Variants in C1QTNF8 observed in about 807,000 individuals in gnomAD.
C1QTNF8 encodes C1q and TNF related 8, also known as complement C1q tumor necrosis factor-related protein 8.
Under a neutral mutation model 19.2 loss-of-function variants are expected in C1QTNF8, and 27 were observed. The observed-to-expected ratio is 1.41, with a 90% CI of 1.04 to 1.94. The LOEUF (loss-of-function observed/expected upper bound fraction) is 1.94. C1QTNF8 is among the 30% of genes most tolerant of loss of function. C1QTNF8 has a pLI of 0.00. For synonymous variants in C1QTNF8, 208 were observed against 172.8 expected (o/e 1.20, Z -1.60); for missense variants, 484 against 374.4 (o/e 1.29, Z -2.42).
intron 4 of C1QTNF8, among the ~76,000 whole-genome samples, chr16:1,092,619 AC>A (rs1290524590): frequency 8.2e-6 from 1 of 121,800 alleles, no homozygotes; most frequent in Non-Finnish European, 1.7e-5. Flanking sequence ...ATCACTGCAC[AC>A]AGTCGGCGCT....
chr16:1,088,416 G>A lies in C1QTNF8; in HGVS notation c.*2183C>T, dbSNP rs758246923. 9.5e-4 allele frequency among the ~76,000 whole-genome samples: 144 copies of A among 152,300 alleles called. No individual in the cohort carries two copies. Among genetic ancestry groups the A allele is most frequent in the Middle Eastern group, 6.8e-3 (2 of 294 alleles). On this transcript the variant is annotated 3_prime_UTR_variant, in exon 5 of 5. Transcript: ENST00000328449. ...GCACGGGCCGACCACGGGGGTGCCC[G>A]GTGCGGTTCTGATGGGGTGGCTCCC...
In C1QTNF8 at chr16:1,088,943, C is replaced by T. The variant is rs373901362; in HGVS notation, c.*1656G>A. On this transcript the variant is annotated 3_prime_UTR_variant, in exon 5 of 5. Coordinates refer to ENST00000328449, the MANE Select transcript of C1QTNF8 (RefSeq NM_207419.3). ...GGGCTGCTGTGGTCACGTCTGGGTC[C>T]TTGGCTGGGCCTGGTGACGGGCACT... Among the ~76,000 whole-genome samples the T allele has an allele frequency of 9.3e-4, 142 of 152,320 alleles. No individual in the cohort carries two copies. The highest frequency in any genetic ancestry group is 3.4e-3 in the Middle Eastern group (1 of 294).
At chr16:1,092,039 C>T (rs1183819095) in intron 4 of C1QTNF8, among the ~76,000 whole-genome samples, 3 of 152,222 alleles carry the variant, frequency 2.0e-5, no homozygotes, top group East Asian at 1.9e-4. Flanking sequence ...GCCGTGAGGG[C>T]GAGTACCTGG....
intron 3 of C1QTNF8, 98 bp downstream of exon 3, chr16:1,094,617 C>T: frequency 7.3e-6 from 7 of 964,698 alleles, no homozygotes; most frequent in Non-Finnish European, 1.1e-5. Context: ...CTCAGCGTGC[C>T]CCTCCCGCCC....
At chr16:1,092,417 C>T (rs1260656772) in intron 4 of C1QTNF8, among the ~76,000 whole-genome samples, 1 of 148,158 alleles carries the variant, frequency 6.7e-6, no homozygotes, top group African/African-American at 2.5e-5. Flanking sequence ...CAATCAATCA[C>T]TGCACACAGT....
At chr16:1,092,289 G>T (rs1960561501) in intron 4 of C1QTNF8, among the ~76,000 whole-genome samples, 1 of 152,062 alleles carries the variant, frequency 6.6e-6, no homozygotes, top group Non-Finnish European at 1.5e-5. Flanking sequence ...GCACACAGCT[G>T]GCACTCAATC....
Position 1,093,729 on chromosome 16 carries a change from C to A in C1QTNF8, c.531G>T (p.Glu177Asp), listed in dbSNP as rs762444272. Residue 177 changes from glutamate (E) to aspartate (D), a missense_variant, in exon 4 of 5, where the codon GAG becomes GAT. Coordinates refer to ENST00000328449, the MANE Select transcript of C1QTNF8 (RefSeq NM_207419.3). The stretch of plus-strand genomic sequence containing the variant: ...GGTTCAGCATGATGTGCAGGTAGGT[C>A]TCCTTGTAGTTCCAGGTGTGCACGT... ...SLNVHTWNYK[E>D]TYLHIMLNRR... 1 of 1,611,964 alleles carries A rather than the reference C, an allele frequency of 6.2e-7. No individual in the cohort carries two copies. Among genetic ancestry groups the A allele is most frequent in the African/African-American group, 1.3e-5 (1 of 74,908 alleles).
chr16:1,094,323 T>A (rs1960639431), intron 3 of C1QTNF8, among the ~76,000 whole-genome samples: 1 of 151,270 alleles, frequency 6.6e-6, no homozygotes, highest in East Asian at 2.0e-4. Flanking sequence ...CTGCGTTGGG[T>A]GTTAAAGAAT....
In C1QTNF8 at chr16:1,093,456, ACGCGCGCGCGCGCCCGGTGCT is replaced by A. The variant is rs1960605276; in HGVS notation, c.*4+20_*4+40del. 8.7e-7 allele frequency: 1 copy of A among 1,152,482 alleles called. No individual in the cohort carries two copies. The highest frequency in any genetic ancestry group is 2.1e-5 in the African/African-American group (1 of 47,538). 71.4% of individuals were successfully genotyped at this position (1,152,482 alleles called of 1,614,324 possible). On this transcript the variant is annotated intron_variant, in intron 4 of 4. Coordinates refer to ENST00000328449, the MANE Select transcript of C1QTNF8 (RefSeq NM_207419.3). ...CACACACACACAGACACACACACAC[ACGCGCGCGCGCGCCCGGTGCT>A]CAGCCGCGGGGCCCCTCACCCGGCT...
intron 4 of C1QTNF8, among the ~76,000 whole-genome samples, chr16:1,092,867 G>C (rs1960582367): frequency 2.1e-5 from 1 of 47,214 alleles, no homozygotes. Flanking sequence ...ATCAATCCCT[G>C]CACACAGTCG....
At chr16:1,092,062 G>C (rs943907273) in intron 4 of C1QTNF8, among the ~76,000 whole-genome samples, 1 of 152,192 alleles carries the variant, frequency 6.6e-6, no homozygotes, top group Admixed American at 6.5e-5. Flanking sequence ...GAGCAACCGG[G>C]CTCCGACCAC....
chr16:1,094,274 G>A (rs117624854), intron 3 of C1QTNF8, among the ~76,000 whole-genome samples: 2,128 of 152,328 alleles, frequency 0.014, 24 homozygotes, highest in Middle Eastern at 0.031. Context: ...CGTCCCCACC[G>A]AGAGGGTGGG....
At chr16:1,091,504 G>C (rs760468434) in intron 4 of C1QTNF8, among the ~76,000 whole-genome samples, 5 of 152,146 alleles carry the variant, frequency 3.3e-5, no homozygotes, top group African/African-American at 4.8e-5. Flanking sequence ...AGGGGCCACA[G>C]CTGCTCCAGC....
At chr16:1,091,895 G>A (rs565947487) in intron 4 of C1QTNF8, among the ~76,000 whole-genome samples, 7 of 151,224 alleles carry the variant, frequency 4.6e-5, no homozygotes, top group Admixed American at 2.0e-4. Flanking sequence ...GGAAGTGACC[G>A]TCTTCCTTCC....
chr16:1,091,010 C>T (rs1347184254), intron 4 of C1QTNF8, among the ~76,000 whole-genome samples: 1 of 152,200 alleles, frequency 6.6e-6, no homozygotes, highest in African/African-American at 2.4e-5. Context: ...CTGGGGCAGG[C>T]TGTGGGCCCA....
intron 4 of C1QTNF8, among the ~76,000 whole-genome samples, chr16:1,092,514 G>T (rs1445264275): frequency 3.6e-4 from 49 of 135,762 alleles, no homozygotes; most frequent in African/African-American, 1.3e-3. Flanking sequence ...CACACAGTCG[G>T]CGCTCAACCA....
At chr16:1,095,338 C>A (rs1158824757) in intron 2 of C1QTNF8, among the ~76,000 whole-genome samples, 1 of 152,186 alleles carries the variant, frequency 6.6e-6, no homozygotes, top group Non-Finnish European at 1.5e-5. Flanking sequence ...AGGGAAAGGC[C>A]CCCCAAGGCT....
At chr16:1,091,238 G>T (rs1960537461) in intron 4 of C1QTNF8, among the ~76,000 whole-genome samples, 1 of 152,244 alleles carries the variant, frequency 6.6e-6, no homozygotes, top group African/African-American at 2.4e-5. Flanking sequence ...GGGTGCACCT[G>T]TGGGGGCTCT....
intron 4 of C1QTNF8, among the ~76,000 whole-genome samples, chr16:1,091,627 C>G (rs1960545624): frequency 6.6e-6 from 1 of 152,170 alleles, no homozygotes; most frequent in African/African-American, 2.4e-5. Context: ...CAACTGCAGC[C>G]AGGCCATGTG....
Sources: gnomAD v4.1 joint callset for allele counts (sites outside exome capture counted in the v4.1 genomes callset) on GRCh38, gnomAD v4.1.1 for gene constraint, MANE v1.5 for transcripts, NCBI Gene and HGNC (gene_info 2026-07-23, HGNC 2026-07-21) for gene names.